The following XKR4 variants were observed in gnomAD, a reference collection of about 807,000 sequenced individuals.
The protein encoded by XKR4 is XK-related protein 4.
In XKR4, 12 loss-of-function variants were observed where a neutral mutation model predicts 53.9. That is an observed-to-expected ratio of 0.22 (90% confidence interval 0.14 to 0.36). The LOEUF (loss-of-function observed/expected upper bound fraction) is 0.36, where lower values mean the gene tolerates loss of function less well. XKR4 is among the 10% of genes least tolerant of loss of function. The probability of loss-of-function intolerance (pLI) is 1.00; values close to 1 mark genes in which losing one functional copy is unlikely to be tolerated. For missense variants in XKR4, 799 were observed against 859.5 expected (o/e 0.93, Z 0.88); for synonymous variants, 354 against 362.4 (o/e 0.98, Z 0.26).
intron 2 of XKR4, among the ~76,000 whole-genome samples, chr8:55,504,212 G>GTT (rs1806490653): frequency 6.6e-6 from 1 of 150,910 alleles, no homozygotes; most frequent in South Asian, 2.1e-4. Flanking sequence ...GTTTTGTTTT[G>GTT]TTTTGTTTTG....
At chr8:55,396,896 T>A (rs1054196406) in intron 2 of XKR4, among the ~76,000 whole-genome samples, 3 of 152,256 alleles carry the variant, frequency 2.0e-5, no homozygotes, top group Non-Finnish European at 2.9e-5. Context: ...AAATAAAGCA[T>A]GAAATCTACC....
At chr8:55,433,355 A>G (rs1805128887) in intron 2 of XKR4, among the ~76,000 whole-genome samples, 1 of 152,364 alleles carries the variant, frequency 6.6e-6, no homozygotes, top group South Asian at 2.1e-4. Context: ...GACATTACAC[A>G]TAGGATTTAG....
intron 1 of XKR4, among the ~76,000 whole-genome samples, chr8:55,220,662 G>T (rs1272201751): frequency 6.6e-6 from 1 of 152,070 alleles, no homozygotes; most frequent in Non-Finnish European, 1.5e-5. Context: ...ACACATTTTT[G>T]CTCTCAAACC....
intron 2 of XKR4, among the ~76,000 whole-genome samples, chr8:55,493,842 T>C (rs73593490): frequency 0.054 from 8,281 of 152,284 alleles, 610 homozygotes; most frequent in East Asian, 0.28. Context: ...AATGATTGTA[T>C]TGATTTCCTG....
At chr8:55,213,746 C>G (rs1156478994) in intron 1 of XKR4, among the ~76,000 whole-genome samples, 2 of 151,566 alleles carry the variant, frequency 1.3e-5, no homozygotes, top group Admixed American at 1.3e-4. Flanking sequence ...GTAAGATGGA[C>G]TCAGGTCAGA....
intron 2 of XKR4, among the ~76,000 whole-genome samples, chr8:55,372,377 C>T (rs1315219168): frequency 3.3e-5 from 5 of 152,142 alleles, no homozygotes; most frequent in African/African-American, 9.7e-5. Flanking sequence ...TTAGAGCTGA[C>T]GTTTGCTTTG....
intron 2 of XKR4, among the ~76,000 whole-genome samples, chr8:55,385,520 G>T (rs990136001): frequency 6.6e-6 from 1 of 152,154 alleles, no homozygotes; most frequent in Non-Finnish European, 1.5e-5. Flanking sequence ...TGTATCTATA[G>T]CTTCTACAGA....
At chr8:55,149,676 C>G (rs1196982783) in intron 1 of XKR4, among the ~76,000 whole-genome samples, 1 of 152,066 alleles carries the variant, frequency 6.6e-6, no homozygotes, top group East Asian at 1.9e-4. Context: ...GTATTTATAG[C>G]TTAGCTGAGC....
At chr8:55,396,217 A>G (rs1016922400) in intron 2 of XKR4, among the ~76,000 whole-genome samples, 1 of 152,030 alleles carries the variant, frequency 6.6e-6, no homozygotes, top group South Asian at 2.1e-4. Context: ...ACACGACTCA[A>G]TCTTTCTGGG....
rs958368572 is a variant in XKR4 at position 55,538,517 on chromosome 8, T to G, written c.*14290T>G. The G allele has an allele frequency of 6.6e-6, 1 of 152,254 alleles. No homozygotes were observed. Among genetic ancestry groups the G allele is most frequent in the Non-Finnish European group, 1.5e-5 (1 of 68,050 alleles). The allele number at this position is 152,254 out of a possible 1,614,324, so 9.4% of individuals were successfully genotyped here. A position where few individuals can be genotyped will look rare whatever the true frequency, so the allele number is the denominator to read the frequency against. ...TTCCTTCAAAGGTCTATGTATAATT[T>G]TCTTCAATGATTAGCTTTTTAATGA... On this transcript the variant is annotated 3_prime_UTR_variant, in exon 3 of 3. Transcript: ENST00000327381.
intron 2 of XKR4, among the ~76,000 whole-genome samples, chr8:55,511,288 G>C (rs1411322231): frequency 1.3e-5 from 2 of 152,140 alleles, no homozygotes; most frequent in Non-Finnish European, 2.9e-5. Context: ...TGTGTAAAAG[G>C]TGAGGTATTT....
chr8:55,130,151 A>C (rs1563463816), intron 1 of XKR4, among the ~76,000 whole-genome samples: 1 of 152,206 alleles, frequency 6.6e-6, no homozygotes. Context: ...ATTGGCATCA[A>C]AGATATAGCA....
At position 55,304,472 on chromosome 8, in the gene XKR4, T is replaced by G. The variant is rs1315146809; in HGVS notation, c.807-53206T>G. On this transcript the variant is annotated intron_variant, in intron 1 of 2. Transcript: ENST00000327381. ...GTGGTGCTGAGAAGAATGTATATTC[T>G]GTTGATTTGGGGTGGAGAGTTCTGT... Among the ~76,000 whole-genome samples the G allele has an allele frequency of 2.6e-5, 4 of 152,216 alleles. 1 individual carries two copies. Among genetic ancestry groups the G allele is most frequent in the Non-Finnish European group, 4.4e-5 (3 of 68,030 alleles).
intron 2 of XKR4, among the ~76,000 whole-genome samples, chr8:55,464,811 C>A (rs1053936106): frequency 7.9e-5 from 12 of 152,160 alleles, no homozygotes; most frequent in Non-Finnish European, 1.8e-4. Context: ...AATCAATGTA[C>A]AAAAATCAAA....
intron 1 of XKR4, among the ~76,000 whole-genome samples, chr8:55,141,492 A>G (rs1202234945): frequency 6.6e-6 from 1 of 152,034 alleles, no homozygotes; most frequent in East Asian, 1.9e-4. Context: ...ACGAGTCAGA[A>G]ACCTATGAAA....
chr8:55,180,875 C>T, intron 1 of XKR4, among the ~76,000 whole-genome samples: 1 of 151,974 alleles, frequency 6.6e-6, no homozygotes, highest in South Asian at 2.1e-4. Context: ...TCTCACTAGG[C>T]TTTCTTGTCT....
chr8:55,430,078 G>A (rs1805079742), intron 2 of XKR4, among the ~76,000 whole-genome samples: 1 of 152,242 alleles, frequency 6.6e-6, no homozygotes, highest in East Asian at 1.9e-4. Context: ...GCAAATTAAA[G>A]CTACAATGAA....
intron 2 of XKR4, among the ~76,000 whole-genome samples, chr8:55,495,341 G>A (rs1454031879): frequency 2.0e-5 from 3 of 152,134 alleles, no homozygotes; most frequent in Non-Finnish European, 2.9e-5. Flanking sequence ...CAGCAGAGTG[G>A]CTACAGCTGC....
rs116184133 is a variant in XKR4 at position 55,287,427 on chromosome 8, A to G, written c.807-70251A>G. On this transcript the variant is annotated intron_variant, in intron 1 of 2. Transcript: ENST00000327381. ...CTATTAACACTATGACTGACATGCT[A>G]TGCTGGTGAGCGTACCCATTAGGAA... is the stretch of plus-strand genomic sequence containing the variant. Among the ~76,000 whole-genome samples the G allele has an allele frequency of 7.8e-3, 1,190 of 152,354 alleles. 18 individuals carry two copies. The highest frequency in any genetic ancestry group is 0.027 in the African/African-American group (1,116 of 41,582).
Sources: allele counts gnomAD v4.1 joint callset (sites outside exome capture counted in the v4.1 genomes callset), GRCh38; gene constraint gnomAD v4.1.1; transcripts MANE v1.5; gene names NCBI Gene and HGNC (gene_info 2026-07-23, HGNC 2026-07-21).